The following GLCE variants were observed in gnomAD, a reference collection of about 807,000 sequenced individuals.
GLCE encodes glucuronic acid epimerase.
GLCE carries 19 observed loss-of-function variants against 47.9 expected under a neutral mutation model. The ratio of observed to expected loss-of-function variants is 0.40; its 90% confidence interval spans 0.28 to 0.58. GLCE has a LOEUF of 0.58. Ranked by LOEUF, GLCE falls within the 20% of genes least tolerant of loss-of-function variation. GLCE has a pLI of 0.48. For missense variants in GLCE, 556 were observed against 743.3 expected (o/e 0.75, Z 2.93); for synonymous variants, 245 against 263.4 (o/e 0.93, Z 0.68).
rs775496642 is a variant in GLCE, at chr15:69,268,284, C to G, written c.894C>G (p.Leu298=). 2.5e-6 allele frequency: 4 copies of G among 1,611,854 alleles called. No individual in the cohort carries two copies. Among genetic ancestry groups the G allele is most frequent in the Non-Finnish European group, 3.4e-6 (4 of 1,178,404 alleles). The part of the protein sequence containing the change: ...NTKDFIISFD[L]KFLTNGSVSV... ...AAGATTTTATTATTTCATTTGACCT[C>G]AAGTTCTTGACAAATGGAAGTGTGT... The change falls in exon 5 of 5, where the codon CTC becomes CTG. Residue 298 remains leucine (L), a synonymous_variant. Coordinates refer to ENST00000261858, the MANE Select transcript of GLCE (RefSeq NM_015554.3).
chr15:69,179,443 A>G (rs1211609677), intron 1 of GLCE, among the ~76,000 whole-genome samples: 3 of 152,170 alleles, frequency 2.0e-5, no homozygotes, highest in African/African-American at 7.2e-5. Flanking sequence ...CAATCCAAAG[A>G]CTTTATTCAG....
intron 2 of GLCE, among the ~76,000 whole-genome samples, chr15:69,219,208 TA>T (rs1226831673): frequency 6.6e-6 from 1 of 152,080 alleles, no homozygotes; most frequent in East Asian, 1.9e-4. Flanking sequence ...GTCCAGTCAT[TA>T]TTTAGTATTT....
intron 4 of GLCE, among the ~76,000 whole-genome samples, chr15:69,263,454 AT>A (rs960937516): frequency 1.1e-4 from 16 of 149,360 alleles, no homozygotes; most frequent in African/African-American, 3.4e-4. Flanking sequence ...TTGGCCTTCG[AT>A]TTTTTTTTCT....
intron 1 of GLCE, among the ~76,000 whole-genome samples, chr15:69,179,434 A>G (rs2051719068): frequency 6.6e-6 from 1 of 152,216 alleles, no homozygotes; most frequent in Non-Finnish European, 1.5e-5. Flanking sequence ...GATGTTGGAC[A>G]ATCCAAAGAC....
intron 1 of GLCE, among the ~76,000 whole-genome samples, chr15:69,171,720 CT>C (rs890637147): frequency 6.6e-5 from 10 of 152,052 alleles, no homozygotes; most frequent in African/African-American, 2.4e-4. Context: ...TTTTAAGGCC[CT>C]TATTTCAAAA....
chr15:69,196,715 C>T (rs543468749), intron 1 of GLCE: 4 of 160,792 alleles, frequency 2.5e-5, no homozygotes, highest in African/African-American at 4.8e-5. Context: ...AACCATCCTA[C>T]GGTCATTCAG....
At chr15:69,219,417 G>A (rs1290964661) in intron 2 of GLCE, among the ~76,000 whole-genome samples, 2 of 151,990 alleles carry the variant, frequency 1.3e-5, no homozygotes, top group African/African-American at 2.4e-5. Flanking sequence ...ACATCCTAGG[G>A]TAAAGTATGT....
At chr15:69,223,024 A>G (rs560185854) in intron 2 of GLCE, among the ~76,000 whole-genome samples, 9 of 152,316 alleles carry the variant, frequency 5.9e-5, no homozygotes, top group Non-Finnish European at 1.2e-4. Flanking sequence ...TGGTGTCACA[A>G]ATTACATCCT....
At chr15:69,236,063 C>T (rs1258381653) in intron 2 of GLCE, among the ~76,000 whole-genome samples, 2 of 152,158 alleles carry the variant, frequency 1.3e-5, no homozygotes, top group Non-Finnish European at 2.9e-5. Flanking sequence ...ACTTCTTTCA[C>T]GTAGTGAAAT....
intron 1 of GLCE, among the ~76,000 whole-genome samples, chr15:69,162,820 A>G (rs1167173434): frequency 1.3e-5 from 2 of 152,190 alleles, no homozygotes; most frequent in Non-Finnish European, 1.5e-5. Context: ...CCTGGCCTCA[A>G]GTGATCCTTC....
chr15:69,266,965 C>T lies in GLCE; in HGVS notation c.830-1255C>T, dbSNP rs374184859. Among the ~76,000 whole-genome samples the T allele has an allele frequency of 1.2e-4, 19 of 152,274 alleles. No homozygotes were observed. In the East Asian group the frequency reaches 3.3e-3, roughly 26 times the overall value. ...TCAAGTGAGATAATACATGTGAATGCGTTTTGGACATTTAAGCTGTGAAAA... is the reference window on the plus strand; with the variant it reads ...TCAAGTGAGATAATACATGTGAATGTGTTTTGGACATTTAAGCTGTGAAAA... On this transcript the variant is annotated intron_variant, in intron 4 of 4. Transcript: ENST00000261858.
intron 1 of GLCE, among the ~76,000 whole-genome samples, chr15:69,169,900 AGATG>A (rs1360610771): frequency 2.0e-5 from 3 of 152,220 alleles, no homozygotes; most frequent in African/African-American, 7.2e-5. Context: ...CTCACATGCT[AGATG>A]ATCATTAAAT....
intron 1 of GLCE, among the ~76,000 whole-genome samples, chr15:69,202,484 G>A (rs2052089421): frequency 6.6e-6 from 1 of 152,222 alleles, no homozygotes; most frequent in Non-Finnish European, 1.5e-5. Context: ...TGTGCCGAGT[G>A]TGGGTCTACC....
intron 4 of GLCE, 83 bp downstream of exon 4, chr15:69,261,412 A>T: frequency 7.7e-7 from 1 of 1,306,214 alleles, no homozygotes; most frequent in South Asian, 1.4e-5. Context: ...AATATGGTTT[A>T]AAAAAACACA....
In GLCE at chr15:69,255,984, G is replaced by C. The variant is rs1044389862; in HGVS notation, c.178G>C (p.Glu60Gln). 5 of 1,613,946 alleles carry C rather than the reference G, an allele frequency of 3.1e-6. No individual in the cohort carries two copies. The highest frequency in any genetic ancestry group is 4.2e-6 in the Non-Finnish European group (5 of 1,180,000). Residue 60 changes from glutamate to glutamine, a missense_variant, in exon 3 of 5, where the codon GAG (glutamate) becomes CAG (glutamine). By Grantham distance (29) the Glu-to-Gln change is conservative (BLOSUM62 2). Transcript: ENST00000261858. The part of the protein sequence containing the change: ...DGFEKRAAAS[E>Q]SNNYMNHVAK... ...GTTTGAAAAAAGAGCAGCAGCATCTGAGAGTAACAACTATATGAACCACGT... is the reference window on the plus strand; with the variant it reads ...GTTTGAAAAAAGAGCAGCAGCATCTCAGAGTAACAACTATATGAACCACGT...
intron 1 of GLCE, among the ~76,000 whole-genome samples, chr15:69,179,477 C>A (rs1427649557): frequency 6.6e-6 from 1 of 152,110 alleles, no homozygotes; most frequent in East Asian, 1.9e-4. Flanking sequence ...TACAGGCACT[C>A]ATTGTATGTG....
chr15:69,255,148 G>A (rs1229162675), intron 2 of GLCE, among the ~76,000 whole-genome samples: 1 of 152,200 alleles, frequency 6.6e-6, no homozygotes, highest in Non-Finnish European at 1.5e-5. Context: ...GGATGTTGGT[G>A]TTTACCTTGA....
chr15:69,196,208 G>A (rs962949953), intron 1 of GLCE, among the ~76,000 whole-genome samples: 1 of 152,130 alleles, frequency 6.6e-6, no homozygotes, highest in Non-Finnish European at 1.5e-5. Flanking sequence ...GGAACAAGGA[G>A]GAGGCTAGTG....
chr15:69,250,532 G>A (rs1462693621), intron 2 of GLCE, among the ~76,000 whole-genome samples: 1 of 151,668 alleles, frequency 6.6e-6, no homozygotes, highest in African/African-American at 2.4e-5. Context: ...TTAAGAGACA[G>A]GATCTCGCTG....
Sources: allele counts gnomAD v4.1 joint callset (sites outside exome capture counted in the v4.1 genomes callset), GRCh38; gene constraint gnomAD v4.1.1; transcripts MANE v1.5; gene names NCBI Gene and HGNC (gene_info 2026-07-23, HGNC 2026-07-21).